The following POLR2F variants were observed in gnomAD, a reference collection of about 807,000 sequenced individuals.
The protein encoded by POLR2F is RNA polymerase II, I and III subunit F.
A neutral mutation model predicts 22.7 loss-of-function variants in POLR2F; 12 were observed. The observed-to-expected ratio is 0.53, with a 90% CI of 0.34 to 0.86. The LOEUF is 0.86. POLR2F is among the 40% of genes least tolerant of loss of function. POLR2F has a pLI of 0.02. For synonymous variants in POLR2F, 57 were observed against 66.0 expected (o/e 0.86, Z 0.66); for missense variants, 126 against 171.5 (o/e 0.73, Z 1.48).
At position 37,977,725 on chromosome 22, in the gene POLR2F, C is replaced by T. The variant is rs887917157; in HGVS notation, c.293+10555C>T. The stretch of plus-strand genomic sequence containing the variant: ...GGCACCGGAACCCCCATGGAGCTCC[C>T]TCTGGGCCCCTGCAGCTCTGCTGGG... On this transcript the variant is annotated intron_variant, in intron 4 of 4. Transcript: ENST00000405557. 7 of 916,004 alleles carry T rather than the reference C, an allele frequency of 7.6e-6. No homozygotes were observed. In the Admixed American group the frequency reaches 1.6e-4, roughly 21 times the overall value. 56.7% of individuals were successfully genotyped at this position (916,004 alleles called of 1,614,324 possible).
chr22:37,973,913 C>G (rs1267836267), downstream of POLR2F: 9 of 1,610,194 alleles, frequency 5.6e-6, no homozygotes, highest in Non-Finnish European at 7.6e-6. Flanking sequence ...GGAGTGTCCA[C>G]TGGCCACGGC....
downstream of POLR2F, chr22:37,971,001 G>C: frequency 3.3e-6 from 1 of 301,860 alleles, no homozygotes; most frequent in South Asian, 2.7e-5. Flanking sequence ...CCATGATGCA[G>C]GTCCTAGATG....
chr22:37,964,735 C>CT, intron 3 of POLR2F, among the ~76,000 whole-genome samples: 1 of 152,136 alleles, frequency 6.6e-6, no homozygotes, highest in South Asian at 2.1e-4. Context: ...CCATGCCTGG[C>CT]TAATATTTTG....
intron 4 of POLR2F, among the ~76,000 whole-genome samples, chr22:37,975,952 G>T (rs745513181): frequency 5.9e-5 from 9 of 152,028 alleles, no homozygotes; most frequent in African/African-American, 2.2e-4. Context: ...TATAGTAAGA[G>T]ATAGGAGGCT....
chr22:37,993,489 C>T (rs891814689), intron 1 of POLR2F, among the ~76,000 whole-genome samples: 3 of 152,180 alleles, frequency 2.0e-5, no homozygotes, highest in Non-Finnish European at 2.9e-5. Context: ...TCCTCCTCGC[C>T]GACATAAGGT....
At chr22:37,955,678 CTTATTA>C (rs201973932) in intron 1 of POLR2F, among the ~76,000 whole-genome samples, 9 of 151,784 alleles carry the variant, frequency 5.9e-5, no homozygotes, top group African/African-American at 1.9e-4. Context: ...ACTTCTTCTT[CTTATTA>C]TTATTTTTTA....
At chr22:37,970,820 G>T (rs1932028537), downstream of POLR2F, 2 of 170,268 alleles carry the variant, frequency 1.2e-5, no homozygotes, top group South Asian at 1.4e-4. Flanking sequence ...AACAAGGTGA[G>T]ATCTGTTAAA....
upstream of POLR2F, chr22:37,986,160 C>T (rs1309845586): frequency 6.5e-7 from 1 of 1,534,902 alleles, no homozygotes; most frequent in South Asian, 1.2e-5. This position sits in a 1 kb window ranked among gnomAD's most constrained non-coding sequence, Gnocchi z 4.7. Flanking sequence ...ACAGCGCCCG[C>T]TCGGCCTCAG....
rs773496298 is a variant in POLR2F, at chr22:37,968,455, G to A, written c.*740G>A. 26 of 985,740 alleles carry A rather than the reference G, an allele frequency of 2.6e-5. No individual in the cohort carries two copies. Among genetic ancestry groups the A allele is most frequent in the Non-Finnish European group, 3.1e-5 (26 of 830,254 alleles). The allele number at this position is 985,740 out of a possible 1,614,324, so 61.1% of individuals were successfully genotyped here. ...ATAAGATATCCTTTCCCTCCTATTTGGGGCTGGTGATCCCCTGAGGCCTTG... is the reference window on the plus strand; with the variant it reads ...ATAAGATATCCTTTCCCTCCTATTTAGGGCTGGTGATCCCCTGAGGCCTTG... On this transcript the variant is annotated 3_prime_UTR_variant, in exon 5 of 5. Transcript: ENST00000442738.
At chr22:37,961,815 T>TC (rs1931652459) in intron 3 of POLR2F, among the ~76,000 whole-genome samples, 1 of 64,206 alleles carries the variant, frequency 1.6e-5, no homozygotes, top group South Asian at 4.5e-4. Context: ...AATGGTACTG[T>TC]GGGGAAGCAT....
In POLR2F at chr22:37,967,806, C is replaced by T. The variant is rs545086221; in HGVS notation, c.*91C>T. ...ATAAAATATTCAACTTTCCAACCCC[C>T]TTCCCCTCTGCTTATCTGCAATGTC... On this transcript the variant is annotated 3_prime_UTR_variant, in exon 5 of 5. Coordinates refer to ENST00000442738, the MANE Select transcript of POLR2F (RefSeq NM_021974.5). 2.9e-5 allele frequency: 43 copies of T among 1,504,154 alleles called. No individual in the cohort carries two copies. The Admixed American group carries it at 7.2e-4, about 25-fold the overall frequency. 93.2% of individuals were successfully genotyped at this position (1,504,154 alleles called of 1,614,324 possible). A position where few individuals can be genotyped will look rare whatever the true frequency, so the allele number is the denominator to read the frequency against.
At chr22:37,994,440 C>T (rs971866933) in intron 1 of POLR2F, among the ~76,000 whole-genome samples, 21 of 152,140 alleles carry the variant, frequency 1.4e-4, no homozygotes, top group African/African-American at 4.6e-4. Context: ...TTCTACTTCC[C>T]GGGCTTAATC....
upstream of POLR2F, chr22:37,983,282 G>A: frequency 1.3e-6 from 2 of 1,505,968 alleles, no homozygotes; most frequent in Non-Finnish European, 1.8e-6. The surrounding 1 kb of genome is among the most constrained non-coding windows in gnomAD (Gnocchi z 9.5). Context: ...AGGTGCAGGA[G>A]GCCGGGCCGC....
chr22:37,972,375 G>C, downstream of POLR2F: 1 of 500,160 alleles, frequency 2.0e-6, no homozygotes, highest in South Asian at 1.7e-5. Flanking sequence ...GGCTAGAGTG[G>C]CTAGGAGAGG....
At chr22:38,028,491 T>C (rs1016927988), downstream of POLR2F, among the ~76,000 whole-genome samples, 3 of 151,506 alleles carry the variant, frequency 2.0e-5, no homozygotes, top group South Asian at 2.1e-4. Flanking sequence ...TGTGTGTGCG[T>C]GTGTGTGTGT....
In POLR2F at chr22:37,968,632, G is replaced by C; in HGVS notation, c.*917G>C. 9 of 985,440 alleles carry C rather than the reference G, an allele frequency of 9.1e-6. No homozygotes were observed. The highest frequency in any genetic ancestry group is 1.1e-5 in the Non-Finnish European group (9 of 829,928). 61.0% of individuals were successfully genotyped at this position (985,440 alleles called of 1,614,324 possible). A position where few individuals can be genotyped will look rare whatever the true frequency, so the allele number is the denominator to read the frequency against. On this transcript the variant is annotated 3_prime_UTR_variant, in exon 5 of 5. Transcript: ENST00000442738. ...ACCTGAGGTAAGACCAGTCACACTG[G>C]CTCCTCCCTCCTAGAGGGGGTCAGG...
intron 4 of POLR2F, among the ~76,000 whole-genome samples, chr22:37,976,261 A>T (rs1344272339): frequency 6.6e-6 from 1 of 152,174 alleles, no homozygotes; most frequent in South Asian, 2.1e-4. Context: ...GAGTCTTACT[A>T]CATTGCCCAT....
At chr22:37,964,381 G>A (rs1050325567) in intron 3 of POLR2F, among the ~76,000 whole-genome samples, 3 of 152,060 alleles carry the variant, frequency 2.0e-5, no homozygotes, top group African/African-American at 7.2e-5. Context: ...TTGTGGATTT[G>A]TGATGAGGGA....
Position 37,967,866 on chromosome 22 carries a change from G to A in POLR2F, c.*151G>A, listed in dbSNP as rs528052218. On this transcript the variant is annotated 3_prime_UTR_variant, in exon 5 of 5. Transcript: ENST00000442738. ...TGCTTCCCCGTTACCGCCATGCTGCGTGGAGCATGCACCTATTCCAGTGGC... is the reference window on the plus strand; with the variant it reads ...TGCTTCCCCGTTACCGCCATGCTGCATGGAGCATGCACCTATTCCAGTGGC... 33 of 1,411,982 alleles carry A rather than the reference G, an allele frequency of 2.3e-5. 1 individual carries two copies. The African/African-American group carries it at 3.1e-4, about 13-fold the overall frequency. 87.5% of individuals were successfully genotyped at this position (1,411,982 alleles called of 1,614,324 possible). A position where few individuals can be genotyped will look rare whatever the true frequency, so the allele number is the denominator to read the frequency against.
Sources: gnomAD v4.1 joint callset for allele counts (sites outside exome capture counted in the v4.1 genomes callset) on GRCh38, gnomAD v4.1.1 for gene constraint, Gnocchi (gnomAD v3.1) non-coding constraint, MANE v1.5 for transcripts, NCBI Gene and HGNC (gene_info 2026-07-23, HGNC 2026-07-21) for gene names.